Variants in PRCD observed in about 807,000 individuals in gnomAD.
The protein encoded by PRCD is photoreceptor disc component.
PRCD carries 12 observed loss-of-function variants against 10.1 expected under a neutral mutation model. The ratio of observed to expected loss-of-function variants is 1.18; its 90% CI spans 0.76 to 1.92. PRCD has a LOEUF of 1.92. Among genes scored for constraint, PRCD ranks in the 40% most tolerant of loss-of-function variants. The pLI is 0.00. For synonymous variants in PRCD, 31 were observed against 26.2 expected (o/e 1.18, Z -0.56); for missense variants, 61 against 72.2 (o/e 0.84, Z 0.56).
At chr17:76,542,681 C>G (rs1472481937) in intron 3 of PRCD, 48 bp downstream of exon 3, 5 of 1,277,562 alleles carry the variant, frequency 3.9e-6, no homozygotes, top group Non-Finnish European at 4.6e-6. Context: ...AGGCTTGGGA[C>G]AGGCAGGAAG....
In PRCD at chr17:76,545,066, G is replaced by A; in HGVS notation, c.*1416G>A. On this transcript the variant is annotated 3_prime_UTR_variant, in exon 5 of 5. Coordinates refer to ENST00000592014, the MANE Select transcript of PRCD (RefSeq NM_001077620.3). ...GGTGCCATGTGGGCCGGGTGGGGGG[G>A]CTGTCTCCCCCAGGGAGCAGGCTGG... The A allele has an allele frequency of 2.2e-6, 1 of 444,704 alleles. No individual in the cohort carries two copies. The allele number at this position is 444,704 out of a possible 1,614,324, so 27.5% of individuals were successfully genotyped here. A position where few individuals can be genotyped will look rare whatever the true frequency, so the allele number is the denominator to read the frequency against.
rs554598037 is a variant in PRCD, at chr17:76,544,085, A to G, written c.*435A>G. The G allele has an allele frequency of 1.3e-5, 6 of 454,618 alleles. No individual in the cohort carries two copies. Among genetic ancestry groups the G allele is most frequent in the Admixed American group, 4.7e-5 (2 of 42,584 alleles). 28.2% of individuals were successfully genotyped at this position (454,618 alleles called of 1,614,324 possible). ...GCCATTTCTCTCTTTTCAATCCTGC[A>G]TGATCCTGAGCAGAGATAAAAGCAG... On this transcript the variant is annotated 3_prime_UTR_variant, in exon 5 of 5. Coordinates refer to ENST00000592014, the MANE Select transcript of PRCD (RefSeq NM_001077620.3).
Position 76,540,250 on chromosome 17 carries a change from TCGGGGG to T in PRCD, c.74+36_74+41del. The T allele has an allele frequency of 6.3e-5, 29 of 463,664 alleles. 4 individuals carry two copies. The highest frequency in any genetic ancestry group is 9.1e-5 in the African/African-American group (2 of 21,932). The allele number at this position is 463,664 out of a possible 1,614,324, so 28.7% of individuals were successfully genotyped here. On this transcript the variant is annotated intron_variant, in intron 1 of 4. Transcript: ENST00000592014. The surrounding 1 kb of genome is among the most constrained non-coding windows in gnomAD (Gnocchi z 5.0). ...TGACCGGGCTATGGCTGGCGGTTGG[TCGGGGG>T]GGGGGGGCATGGGGCTGGGCTGCCA...
rs755720983 is a variant in PRCD, at chr17:76,544,949, T to C, written c.*1299T>C. On this transcript the variant is annotated 3_prime_UTR_variant, in exon 5 of 5. Transcript: ENST00000592014. ...AGGTGGTGGCTGCTCCAGGGATCCA[T>C]CCAGAGGAAGGGCGGGAAAAAGAGA... 1.5e-5 allele frequency: 7 copies of C among 455,710 alleles called. No individual in the cohort carries two copies. The highest frequency in any genetic ancestry group is 1.1e-4 in the South Asian group (7 of 64,530). The allele number at this position is 455,710 out of a possible 1,614,324, so 28.2% of individuals were successfully genotyped here.
intron 2 of PRCD, among the ~76,000 whole-genome samples, chr17:76,541,332 C>T (rs147764374): frequency 1.3e-5 from 2 of 152,288 alleles, no homozygotes; most frequent in East Asian, 1.9e-4. Flanking sequence ...TTTTTGCTCC[C>T]AGTGAAACAA....
chr17:76,535,953 G>A (rs1020683630), upstream of PRCD, among the ~76,000 whole-genome samples: 2 of 152,228 alleles, frequency 1.3e-5, no homozygotes, highest in African/African-American at 4.8e-5. Context: ...ATGCAAGGCC[G>A]GTGGGCTGCA....
In PRCD at chr17:76,540,265, A is replaced by AT. The variant is rs2074974624; in HGVS notation, c.74+51dup. ...TGGCGGTTGGTCGGGGGGGGGGGGCATGGGGCTGGGCTGCCACCAAGCTGA... is the reference window on the plus strand; with the variant it reads ...TGGCGGTTGGTCGGGGGGGGGGGGCATTGGGGCTGGGCTGCCACCAAGCTGA... On this transcript the variant is annotated intron_variant, in intron 1 of 4. Coordinates refer to ENST00000592014, the MANE Select transcript of PRCD (RefSeq NM_001077620.3). This position sits in a 1 kb window ranked among gnomAD's most constrained non-coding sequence, Gnocchi z 5.0. 2.4e-6 allele frequency: 1 copy of AT among 424,014 alleles called. No homozygotes were observed. The highest frequency in any genetic ancestry group is 4.2e-6 in the Non-Finnish European group (1 of 237,240). 26.3% of individuals were successfully genotyped at this position (424,014 alleles called of 1,614,324 possible).
rs1213174452 is a variant in PRCD at position 76,544,214 on chromosome 17, C to T, written c.*564C>T. The T allele has an allele frequency of 6.6e-6, 3 of 454,552 alleles. No homozygotes were observed. The highest frequency in any genetic ancestry group is 4.7e-5 in the South Asian group (3 of 64,472). The allele number at this position is 454,552 out of a possible 1,614,324, so 28.2% of individuals were successfully genotyped here. ...AAAACCCCCCGTGCCTCTGTGCACA[C>T]GCGTCTCTCCTCCCCAGCCAGCCCC... On this transcript the variant is annotated 3_prime_UTR_variant, in exon 5 of 5. Transcript: ENST00000592014.
In PRCD at chr17:76,544,799, G is replaced by C; in HGVS notation, c.*1149G>C. The C allele has an allele frequency of 2.2e-6, 1 of 456,790 alleles. No individual in the cohort carries two copies. The highest frequency in any genetic ancestry group is 1.5e-5 in the South Asian group (1 of 64,572). The allele number at this position is 456,790 out of a possible 1,614,324, so 28.3% of individuals were successfully genotyped here. A position where few individuals can be genotyped will look rare whatever the true frequency, so the allele number is the denominator to read the frequency against. On this transcript the variant is annotated 3_prime_UTR_variant, in exon 5 of 5. Transcript: ENST00000592014. ...ACCTCATCCTTGCTGCCATTTCCGA[G>C]TTGCTCATCTCCTTCCACTGGTCTG...
At chr17:76,543,499 A>G in intron 4 of PRCD, 1 of 347,888 alleles carries the variant, frequency 2.9e-6, no homozygotes, top group South Asian at 2.2e-5. Flanking sequence ...TGGTAATGTT[A>G]TTATCCACAA....
At chr17:76,534,134 C>CTCTT (rs2074884547) in intron 1 of PRCD, among the ~76,000 whole-genome samples, 1 of 131,400 alleles carries the variant, frequency 7.6e-6, no homozygotes, top group Non-Finnish European at 1.6e-5. Flanking sequence ...TTCTTTCTCT[C>CTCTT]TCTCTTTCTC....
At chr17:76,534,628 C>T (rs1008457050) in intron 1 of PRCD, among the ~76,000 whole-genome samples, 2 of 152,246 alleles carry the variant, frequency 1.3e-5, no homozygotes, top group Admixed American at 6.5e-5. Flanking sequence ...TAATCCCCAT[C>T]CTATGAATTA....
chr17:76,551,429 C>CT (rs1402710688), intron 1 of PRCD: 3 of 152,306 alleles, frequency 2.0e-5, no homozygotes, highest in Non-Finnish European at 4.4e-5. Context: ...AAATGCATCG[C>CT]TTTTTTTCCT....
downstream of PRCD, chr17:76,547,361 ATGCGGAGCCTGGT>A (rs1362513365): frequency 1.3e-5 from 2 of 152,834 alleles, no homozygotes; most frequent in Non-Finnish European, 2.9e-5. Context: ...CCAGCTGGAG[ATGCGGAGCCTGGT>A]GAGGAAGGTT....
At chr17:76,541,407 A>G (rs2074992261) in intron 2 of PRCD, among the ~76,000 whole-genome samples, 4 of 152,214 alleles carry the variant, frequency 2.6e-5, no homozygotes, top group Admixed American at 6.5e-5. Flanking sequence ...GTCTCCACAC[A>G]GGGAAGACTC....
chr17:76,550,525 G>C (rs960982226), intron 1 of PRCD: 1 of 152,248 alleles, frequency 6.6e-6, no homozygotes, highest in Non-Finnish European at 1.5e-5. Flanking sequence ...GCCTCCCAAA[G>C]TGCTGGGATT....
Position 76,533,156 on chromosome 17 carries a change from C to G in PRCD, n.45+5323C>G, listed in dbSNP as rs887578683. Reference sequence around the variant, plus strand: ...TTGGCGGGGAAGTTTGCACAGTGACCAGGGCACAGTCTGTGTGGAGACTCA... The same window carrying G: ...TTGGCGGGGAAGTTTGCACAGTGACGAGGGCACAGTCTGTGTGGAGACTCA... On this transcript the variant is annotated intron_variant and non_coding_transcript_variant, in intron 1 of 4. Transcript: ENST00000397633. The surrounding 1 kb of genome is among the most constrained non-coding windows in gnomAD (Gnocchi z 4.5). Among the ~76,000 whole-genome samples, 10 of 152,146 alleles carry G rather than the reference C, an allele frequency of 6.6e-5. No individual in the cohort carries two copies. Among genetic ancestry groups the G allele is most frequent in the African/African-American group, 2.4e-4 (10 of 41,448 alleles).
Position 76,531,180 on chromosome 17 carries a change from G to A in PRCD, n.45+3347G>A. 6.3e-7 allele frequency: 1 copy of A among 1,594,380 alleles called. No homozygotes were observed. Among genetic ancestry groups the A allele is most frequent in the Non-Finnish European group, 8.6e-7 (1 of 1,167,388 alleles). ...GGAGGAAGGGGGAGTGAACGCCCGG[G>A]CGCCCTGCGTCCTGCAACCCCCAGG... On this transcript the variant is annotated intron_variant and non_coding_transcript_variant, in intron 1 of 4. Transcript: ENST00000397633. This position sits in a 1 kb window ranked among gnomAD's most constrained non-coding sequence, Gnocchi z 7.4.
At chr17:76,538,640 A>T, upstream of PRCD, 1 of 356,874 alleles carries the variant, frequency 2.8e-6, no homozygotes. Flanking sequence ...GGGACATCTC[A>T]GCCGCCACCA....
Sources: gnomAD v4.1 joint callset for allele counts (sites outside exome capture counted in the v4.1 genomes callset) on GRCh38, gnomAD v4.1.1 for gene constraint, Gnocchi (gnomAD v3.1) non-coding constraint, MANE v1.5 for transcripts, NCBI Gene and HGNC (gene_info 2026-07-23, HGNC 2026-07-21) for gene names.